Variants in TJP1 observed in about 807,000 individuals in gnomAD.
TJP1 encodes the protein tight junction protein 1, also known as tight junction protein ZO-1.
A neutral mutation model predicts 194.2 loss-of-function variants in TJP1; 43 were observed. The observed-to-expected ratio is 0.22, with a 90% CI of 0.17 to 0.29. The LOEUF (loss-of-function observed/expected upper bound fraction) is 0.29. TJP1 is among the 10% of genes least tolerant of loss of function. The probability of loss-of-function intolerance (pLI) is 1.00; values close to 1 mark genes in which losing one functional copy is unlikely to be tolerated. For missense variants in TJP1, 1,971 were observed against 2,185.7 expected, an observed-to-expected ratio of 0.90 and a Z score of 1.96; for synonymous variants, 801 against 779.0, an observed-to-expected ratio of 1.03 and a Z score of -0.47.
chr15:29,949,649 ACCACCTCCACCTCCACAACCACCACCT>A (rs2055541278), intron 2 of TJP1, among the ~76,000 whole-genome samples: 1 of 98,074 alleles, frequency 1.0e-5, no homozygotes, highest in Non-Finnish European at 2.1e-5. Context: ...CTCCACCACC[ACCACCTCCACCTCCACAACCACCACCT>A]CCACCTTCAC....
chr15:29,878,688 G>C lies in TJP1; in HGVS notation c.306+77544C>G, dbSNP rs144720773. The stretch of plus-strand genomic sequence containing the variant: ...ATAGCTCTGTATAACATCCAACCAT[G>C]CATGTAAACAGCTGAAAGGAAAAGC... On this transcript the variant is annotated intron_variant, in intron 2 of 28. Transcript: ENST00000356107. 2.5e-3 allele frequency among the ~76,000 whole-genome samples: 378 copies of C among 152,192 alleles called. 3 individuals are homozygous for C. The highest frequency in any genetic ancestry group is 8.7e-3 in the African/African-American group (362 of 41,540).
intron 2 of TJP1, among the ~76,000 whole-genome samples, chr15:29,880,146 A>G (rs1258149680): frequency 1.3e-5 from 2 of 152,118 alleles, no homozygotes; most frequent in Non-Finnish European, 2.9e-5. Flanking sequence ...TTTTTCAACA[A>G]TTTATTCAAT....
In TJP1 at chr15:29,732,131, A is replaced by G. The variant is rs150452572; in HGVS notation, c.2017+302T>C. 1,063 of 287,162 alleles carry G rather than the reference A, an allele frequency of 3.7e-3. 11 individuals are homozygous for G. The highest frequency in any genetic ancestry group is 0.022 in the African/African-American group (996 of 45,786). The allele number at this position is 287,162 out of a possible 1,614,324, so 17.8% of individuals were successfully genotyped here. On this transcript the variant is annotated intron_variant, in intron 15 of 27. Transcript: ENST00000614355. ...GACCATCCAAGTCTCAGGCTACTCA[A>G]CTGTAACATGGATATTATACTCCTT...
chr15:29,919,347 A>T (rs1245573042), intron 2 of TJP1, among the ~76,000 whole-genome samples: 1 of 152,194 alleles, frequency 6.6e-6, no homozygotes, highest in African/African-American at 2.4e-5. Flanking sequence ...TTCTGGCCTC[A>T]CACTATGGGT....
At chr15:29,714,132 C>T (rs1347573892) in intron 23 of TJP1, among the ~76,000 whole-genome samples, 1 of 152,218 alleles carries the variant, frequency 6.6e-6, no homozygotes, top group African/African-American at 2.4e-5. Context: ...TAAAGTTATA[C>T]ATCACAAATA....
At chr15:29,709,788 A>T (rs1357039456) in intron 24 of TJP1, among the ~76,000 whole-genome samples, 1 of 152,200 alleles carries the variant, frequency 6.6e-6, no homozygotes, top group African/African-American at 2.4e-5. Context: ...CTAGCAAAAG[A>T]GGTCCAATTT....
chr15:29,967,324 C>CT (rs2056368308), intron 1 of TJP1, among the ~76,000 whole-genome samples: 1 of 151,684 alleles, frequency 6.6e-6, no homozygotes, highest in Non-Finnish European at 1.5e-5. Flanking sequence ...GTGTGAGCCA[C>CT]TATACCCGGC....
chr15:29,768,108 C>T (rs1388485700), intron 4 of TJP1, among the ~76,000 whole-genome samples: 3 of 152,186 alleles, frequency 2.0e-5, no homozygotes, highest in Non-Finnish European at 2.9e-5. Flanking sequence ...ACACTTAATA[C>T]TACTGCTTCC....
chr15:29,963,281 G>GT (rs1489933294), intron 1 of TJP1, among the ~76,000 whole-genome samples: 2 of 152,152 alleles, frequency 1.3e-5, no homozygotes, highest in African/African-American at 2.4e-5. Flanking sequence ...AGTCATTTTA[G>GT]TATCTGTTTT....
At position 29,710,843 on chromosome 15, in the gene TJP1, C is replaced by T; in HGVS notation, c.4360G>A (p.Ala1454Thr). 4 of 1,614,044 alleles carry T rather than the reference C, an allele frequency of 2.5e-6. No homozygotes were observed. The highest frequency in any genetic ancestry group is 3.4e-6 in the Non-Finnish European group (4 of 1,180,038). Residue 1454 changes from alanine (A) to threonine (T), a missense_variant, in exon 24 of 28, where the codon GCA (alanine) becomes ACA (threonine). Ala to Thr is a moderately conservative substitution (Grantham distance 58). Around this residue, in one of 5 missense-constraint regions of TJP1, gnomAD observed 1,108 missense variants for 1,128.5 expected, o/e 0.98. Coordinates refer to ENST00000614355, the MANE Select transcript of TJP1 (RefSeq NM_001330239.4). Reference sequence around the variant, plus strand: ...CCGAACTTCCTACCTTCACCATGTGCTCCCTTAGAATGTATGTGGAGAGAC... The same window carrying T: ...CCGAACTTCCTACCTTCACCATGTGTTCCCTTAGAATGTATGTGGAGAGAC... ...SASLHIHSKG[A>T]HGEGNSVSLD...
intron 15 of TJP1, among the ~76,000 whole-genome samples, chr15:29,731,385 G>A (rs1338407202): frequency 6.6e-6 from 1 of 152,162 alleles, no homozygotes; most frequent in Non-Finnish European, 1.5e-5. Context: ...CCAGACATCT[G>A]TTGAGACCTG....
At chr15:29,821,981 G>A in intron 1 of TJP1, 21 bp downstream of exon 1, 2 of 1,301,246 alleles carry the variant, frequency 1.5e-6, no homozygotes, top group Non-Finnish European at 2.0e-6. Context: ...GTCTGGCCCT[G>A]GCGGCCGCGG....
At chr15:29,839,091 C>T (rs62014470) in intron 2 of TJP1, among the ~76,000 whole-genome samples, 19 of 150,022 alleles carry the variant, frequency 1.3e-4, no homozygotes, top group African/African-American at 3.2e-4. Flanking sequence ...CTCCGCCTCC[C>T]GGGTTCACGC....
At chr15:29,711,087 T>TA (rs368869541) in intron 23 of TJP1, 87 bp from the exon 24 acceptor site, 52,733 of 1,047,440 alleles carry the variant, frequency 0.05, 1 homozygote, top group South Asian at 0.064. Flanking sequence ...ATCTCTAAGT[T>TA]AAAAAAAAAA....
chr15:29,850,897 G>T (rs2051618051), intron 2 of TJP1, among the ~76,000 whole-genome samples: 2 of 152,214 alleles, frequency 1.3e-5, no homozygotes, highest in Admixed American at 1.3e-4. Flanking sequence ...TAGCACTTTG[G>T]GAGGCCGAGG....
chr15:29,706,405 C>T lies in TJP1; in HGVS notation c.4851-660G>A, dbSNP rs560793562. Among the ~76,000 whole-genome samples the T allele has an allele frequency of 9.9e-5, 15 of 152,230 alleles. No homozygotes were observed. The South Asian group carries it at 3.1e-3, about 32-fold the overall frequency. ...CCAACTACAGGTGAAGCATCCCTAA[C>T]CTGAAAATCTGAAATGCTCCAAAAT... On this transcript the variant is annotated intron_variant, in intron 25 of 27. Transcript: ENST00000614355.
intron 4 of TJP1, among the ~76,000 whole-genome samples, chr15:29,767,751 C>T (rs2046413741): frequency 1.3e-5 from 2 of 152,112 alleles, no homozygotes; most frequent in Admixed American, 1.3e-4. Flanking sequence ...TCCCCCTCCC[C>T]TCCTAAATTT....
chr15:29,840,491 C>T (rs1011370125), intron 2 of TJP1, among the ~76,000 whole-genome samples: 6 of 152,166 alleles, frequency 3.9e-5, no homozygotes, highest in Non-Finnish European at 5.9e-5. Flanking sequence ...GAAAGGGTGA[C>T]GGAAGACAGG....
intron 2 of TJP1, among the ~76,000 whole-genome samples, chr15:29,928,456 C>A (rs1209027753): frequency 6.6e-6 from 1 of 152,144 alleles, no homozygotes; most frequent in African/African-American, 2.4e-5. Context: ...CATTTTAGAA[C>A]TGTTCGGCAA....
Sources: allele counts gnomAD v4.1 joint callset (sites outside exome capture counted in the v4.1 genomes callset), GRCh38; gene constraint gnomAD v4.1.1; regional missense constraint gnomAD v4.1.1; transcripts MANE v1.5; gene names NCBI Gene and HGNC (gene_info 2026-07-23, HGNC 2026-07-21).